Variants in CYP24A1 observed in about 807,000 individuals in gnomAD.
CYP24A1 encodes the protein 1,25-dihydroxyvitamin D(3) 24-hydroxylase, mitochondrial.
CYP24A1 carries 68 observed loss-of-function variants against 62.4 expected under a neutral mutation model. The observed-to-expected ratio is 1.09, with a 90% CI of 0.90 to 1.33. CYP24A1 has a LOEUF of 1.33. Ranked by LOEUF, CYP24A1 falls within the 40% of genes most tolerant of loss-of-function variation. The pLI is 0.00. For missense variants in CYP24A1, 787 were observed against 653.0 expected, an observed-to-expected ratio of 1.21 and a Z score of -2.24; for synonymous variants, 267 against 253.0, an observed-to-expected ratio of 1.06 and a Z score of -0.52.
At chr20:54,158,033 A>C in intron 9 of CYP24A1, 53 bp downstream of exon 9, 5 of 1,607,928 alleles carry the variant, frequency 3.1e-6, no homozygotes, top group Admixed American at 1.7e-5. Flanking sequence ...GAATATTTGC[A>C]AAGTGTATCT....
At position 54,157,458 on chromosome 20, in the gene CYP24A1, A is replaced by G. The variant is rs1237923448; in HGVS notation, c.1364T>C (p.Phe455Ser). The G allele has an allele frequency of 1.9e-6, 3 of 1,602,970 alleles. No individual in the cohort carries two copies. Among genetic ancestry groups the G allele is most frequent in the East Asian group, 4.5e-5 (2 of 44,870 alleles). Residue 455 changes from phenylalanine to serine, a missense_variant, in exon 10 of 12, where the codon TTT (phenylalanine) becomes TCT (serine). Transcript: ENST00000216862. ...EKINPFAHLP[F>S]GVGKRMCIGR... ...AATGCACATTCTTTTTCCAACGCCAAATGGAAGATGCGCAAAAGGATTAAT... is the reference window on the plus strand; with the variant it reads ...AATGCACATTCTTTTTCCAACGCCAGATGGAAGATGCGCAAAAGGATTAAT...
rs781257097 is a variant in CYP24A1 at position 54,157,454 on chromosome 20, G to A, written c.1368C>T (p.Gly456=). 2.5e-6 allele frequency: 4 copies of A among 1,602,602 alleles called. No homozygotes were observed. Among genetic ancestry groups the A allele is most frequent in the East Asian group, 2.2e-5 (1 of 44,856 alleles). ...GACCAATGCACATTCTTTTTCCAACGCCAAATGGAAGATGCGCAAAAGGAT... is the reference window on the plus strand; with the variant it reads ...GACCAATGCACATTCTTTTTCCAACACCAAATGGAAGATGCGCAAAAGGAT... ...KINPFAHLPF[G]VGKRMCIGRR... The change falls in exon 10 of 12, where the codon GGC becomes GGT. Residue 456 remains glycine (G), a synonymous_variant. Coordinates refer to ENST00000216862, the MANE Select transcript of CYP24A1 (RefSeq NM_000782.5).
At chr20:54,154,938 G>GT (rs2092621633) in intron 11 of CYP24A1, 177 bp from the exon 12 acceptor site, 1 of 50,586 alleles carries the variant, frequency 2.0e-5, no homozygotes, top group Non-Finnish European at 3.5e-5. Flanking sequence ...TTTGGTCTTG[G>GT]TAAAAAAAAA....
chr20:54,152,969 G>A (rs139986919), downstream of CYP24A1, among the ~76,000 whole-genome samples: 220 of 152,300 alleles, frequency 1.4e-3, no homozygotes, highest in African/African-American at 4.7e-3. Flanking sequence ...TCCCAGCCAC[G>A]GAAAATTTGG....
intron 6 of CYP24A1, among the ~76,000 whole-genome samples, chr20:54,163,442 C>T (rs1358901939): frequency 1.4e-5 from 2 of 147,336 alleles, no homozygotes; most frequent in Non-Finnish European, 1.5e-5. Flanking sequence ...CCACCAGGCT[C>T]ATTATATGGT....
intron 5 of CYP24A1, 92 bp from the exon 6 acceptor site, chr20:54,164,655 C>A: frequency 2.5e-6 from 4 of 1,606,324 alleles, no homozygotes; most frequent in Non-Finnish European, 3.4e-6. Flanking sequence ...AACCGCAGCA[C>A]CCTGCACTTT....
rs1169045225 is a variant in CYP24A1, at chr20:54,173,572, G to T, written c.8C>A (p.Ser3Tyr). The T allele has an allele frequency of 6.3e-7, 1 of 1,578,416 alleles. No individual in the cohort carries two copies. Among genetic ancestry groups the T allele is most frequent in the East Asian group, 2.3e-5 (1 of 43,882 alleles). ...AAGCGAGCGGCTCTTGCTGATGGGGGAGCTCATGGCAGCGGGGGACACCGG... is the reference window on the plus strand; with the variant it reads ...AAGCGAGCGGCTCTTGCTGATGGGGTAGCTCATGGCAGCGGGGGACACCGG... MS[S>Y]PISKSRSLAA... is the part of the protein sequence containing the mutation. The change falls in exon 1 of 12, where the codon TCC becomes TAC. Residue 3 changes from serine to tyrosine, a missense_variant. Coordinates refer to ENST00000216862, the MANE Select transcript of CYP24A1 (RefSeq NM_000782.5). This position sits in a 1 kb window ranked among gnomAD's most constrained non-coding sequence, Gnocchi z 7.2.
chr20:54,148,899 G>A (rs989753315), downstream of CYP24A1, among the ~76,000 whole-genome samples: 1 of 152,188 alleles, frequency 6.6e-6, no homozygotes, highest in African/African-American at 2.4e-5. Context: ...AAGGTCGAGA[G>A]ATCGAGACCA....
At chr20:54,145,397 T>C in the CYP24A1 span, among the ~76,000 whole-genome samples, 1 of 152,054 alleles carries the variant, frequency 6.6e-6, no homozygotes, top group Admixed American at 6.5e-5. Context: ...AGCTACGTTG[T>C]TTCTCTATAA....
intron 2 of CYP24A1, 90 bp from the exon 3 acceptor site, chr20:54,171,760 A>G: frequency 6.2e-7 from 1 of 1,609,974 alleles, no homozygotes. Context: ...AGGAACCATA[A>G]AATCAAACAA....
chr20:54,171,840 C>A (rs1035860996), intron 2 of CYP24A1, 170 bp from the exon 3 acceptor site: 25 of 1,433,392 alleles, frequency 1.7e-5, no homozygotes, highest in Non-Finnish European at 9.3e-7. Context: ...AAATAGTGAT[C>A]ATCTTTTGAC....
chr20:54,143,940 A>G, the CYP24A1 span, among the ~76,000 whole-genome samples: 1 of 152,222 alleles, frequency 6.6e-6, no homozygotes, highest in Non-Finnish European at 1.5e-5. Flanking sequence ...TATAAGTCTA[A>G]GTGAGATTGA....
intron 4 of CYP24A1, among the ~76,000 whole-genome samples, chr20:54,166,311 T>G (rs2092671849): frequency 6.6e-6 from 1 of 151,716 alleles, no homozygotes; most frequent in African/African-American, 2.4e-5. Context: ...TCATATAGGG[T>G]TTTTTTTCCT....
At chr20:54,164,063 G>A (rs370350080) in intron 6 of CYP24A1, among the ~76,000 whole-genome samples, 34 of 152,288 alleles carry the variant, frequency 2.2e-4, no homozygotes, top group South Asian at 1.0e-3. Context: ...AGCCTCCTGA[G>A]TAGCTGGGAT....
chr20:54,173,597 G>A lies in CYP24A1; in HGVS notation c.-18C>T. 6.4e-7 allele frequency: 1 copy of A among 1,561,012 alleles called. No homozygotes were observed. Among genetic ancestry groups the A allele is most frequent in the Non-Finnish European group, 8.6e-7 (1 of 1,156,840 alleles). ...GAGCTCATGGCAGCGGGGGACACCG[G>A]AGCGCGGGAAGGCAGGAGGATGGGG... On this transcript the variant is annotated 5_prime_UTR_variant, in exon 1 of 12. Transcript: ENST00000216862. The surrounding 1 kb of genome is among the most constrained non-coding windows in gnomAD (Gnocchi z 7.2).
At chr20:54,162,383 G>A (rs2092654531) in intron 7 of CYP24A1, among the ~76,000 whole-genome samples, 1 of 151,406 alleles carries the variant, frequency 6.6e-6, no homozygotes, top group South Asian at 2.1e-4. Context: ...CTGAACTCCC[G>A]TAGCAGTTTG....
In CYP24A1 at chr20:54,157,476, G is replaced by T. The variant is rs768556938; in HGVS notation, c.1346C>A (p.Pro449His). The T allele has an allele frequency of 3.7e-6, 6 of 1,601,122 alleles. No homozygotes were observed. In the South Asian group the frequency reaches 5.5e-5, roughly 15 times the overall value. Residue 449 changes from proline (P) to histidine (H), a missense_variant, in exon 10 of 12, where the codon CCT (proline) becomes CAT (histidine). Physicochemically the swap from Pro to His is moderately conservative, Grantham distance 77. Transcript: ENST00000216862. The part of the protein sequence containing the change: ...RWLQEKEKIN[P>H]FAHLPFGVGK... ...AACGCCAAATGGAAGATGCGCAAAA[G>T]GATTAATTTTTTCCTTCTCCTGAAG... is the stretch of plus-strand genomic sequence containing the variant.
rs1228582346 is a variant in CYP24A1, at chr20:54,157,631, AC to A, written c.1237-47del. 6 of 1,149,240 alleles carry A rather than the reference AC, an allele frequency of 5.2e-6. No individual in the cohort carries two copies. In the South Asian group the frequency reaches 7.4e-5, roughly 14 times the overall value. 71.2% of individuals were successfully genotyped at this position (1,149,240 alleles called of 1,614,324 possible). ...ATAGTATTTAAAATAACCAGAAGAG[AC>A]CTTTGAATGGCAAAATTGACACAAG... is the stretch of plus-strand genomic sequence containing the variant. On this transcript the variant is annotated intron_variant, in intron 9 of 11. Coordinates refer to ENST00000216862, the MANE Select transcript of CYP24A1 (RefSeq NM_000782.5).
intron 6 of CYP24A1, among the ~76,000 whole-genome samples, chr20:54,163,812 TATTA>T (rs945653942): frequency 1.3e-5 from 2 of 152,262 alleles, no homozygotes; most frequent in African/African-American, 2.4e-5. Context: ...TTATTATTAT[TATTA>T]ATTATTAGTC....
Sources: gnomAD v4.1 joint callset for allele counts (sites outside exome capture counted in the v4.1 genomes callset) on GRCh38, gnomAD v4.1.1 for gene constraint, Gnocchi (gnomAD v3.1) non-coding constraint, MANE v1.5 for transcripts, NCBI Gene and HGNC (gene_info 2026-07-23, HGNC 2026-07-21) for gene names.